Variants in GPRC6A observed in about 807,000 individuals in gnomAD.
GPRC6A encodes G protein-coupled receptor class C group 6 member A, also known as G protein-coupled receptor family C group 6 member A.
Under a neutral mutation model 47.0 loss-of-function variants are expected in GPRC6A, and 54 were observed. The observed-to-expected ratio is 1.15, with a 90% CI of 0.92 to 1.44. The LOEUF is 1.44. GPRC6A is among the 40% of genes most tolerant of loss of function. The pLI is 0.00. For synonymous variants in GPRC6A, 347 were observed against 377.1 expected, an observed-to-expected ratio of 0.92 and a Z score of 0.93; for missense variants, 1,112 against 1,105.5, an observed-to-expected ratio of 1.01 and a Z score of -0.08.
chr6:116,808,903 A>G (rs1288395937), intron 2 of GPRC6A, among the ~76,000 whole-genome samples: 1 of 152,128 alleles, frequency 6.6e-6, no homozygotes, highest in African/African-American at 2.4e-5. Context: ...AAATAGTTCT[A>G]CAGTCTTTGC....
chr6:116,822,831 G>A (rs1773542478), intron 1 of GPRC6A, among the ~76,000 whole-genome samples: 1 of 148,658 alleles, frequency 6.7e-6, no homozygotes, highest in South Asian at 2.1e-4. Context: ...TGTACAATGT[G>A]CACATGTACC....
chr6:116,797,359 T>C (rs1772522823), intron 4 of GPRC6A, among the ~76,000 whole-genome samples: 1 of 152,158 alleles, frequency 6.6e-6, no homozygotes, highest in African/African-American at 2.4e-5. Context: ...AAAGACAGTC[T>C]AAAATCTTGT....
intron 1 of GPRC6A, 81 bp downstream of exon 1, chr6:116,828,739 T>C (rs1422020186): frequency 3.6e-6 from 4 of 1,121,684 alleles, no homozygotes; most frequent in Non-Finnish European, 5.1e-6. Flanking sequence ...ATGATTTAGA[T>C]ATTAATACAA....
Position 116,792,769 on chromosome 6 carries a change from A to G in GPRC6A, c.2154T>C (p.Ile718=), listed in dbSNP as rs780329526. ...CTGCAAAGATTAGCCAGAGTGTGCA[A>G]ATGACAACCTGGATGCCCGTGCAAG... ...IFTCTGIQVV[I]CTLWLIFAAP... Residue 718 remains isoleucine (I), a synonymous_variant, in exon 6 of 6, where the codon ATT becomes ATC. Coordinates refer to ENST00000310357, the MANE Select transcript of GPRC6A (RefSeq NM_148963.4). 3.3e-5 allele frequency: 54 copies of G among 1,614,018 alleles called. No individual in the cohort carries two copies. Among genetic ancestry groups the G allele is most frequent in the Non-Finnish European group, 4.5e-5 (53 of 1,179,972 alleles).
intron 5 of GPRC6A, 32 bp from the exon 6 acceptor site, chr6:116,793,282 C>T: frequency 6.7e-7 from 1 of 1,495,716 alleles, no homozygotes; most frequent in Non-Finnish European, 9.0e-7. Flanking sequence ...GTTACATTGT[C>T]AACATTTAAA....
At position 116,794,439 on chromosome 6, in the gene GPRC6A, A is replaced by G. The variant is rs571456088; in HGVS notation, c.1673-1189T>C. 6.4e-4 allele frequency among the ~76,000 whole-genome samples: 97 copies of G among 152,246 alleles called. 1 individual carries two copies. The South Asian group carries it at 0.02, about 31-fold the overall frequency. On this transcript the variant is annotated intron_variant, in intron 5 of 5. Transcript: ENST00000310357. ...GAGATAGAGAGGAACAGCAGATGGT[A>G]TCCTTTTAGGCTTTCCTAACTCCTA...
At chr6:116,795,665 A>G (rs1772458973) in intron 5 of GPRC6A, 47 bp downstream of exon 5, 2 of 1,428,104 alleles carry the variant, frequency 1.4e-6, no homozygotes, top group Non-Finnish European at 1.9e-6. Flanking sequence ...AAGAAAAAAA[A>G]AGCCTAAGAG....
chr6:116,821,477 A>G (rs1773476534), intron 1 of GPRC6A, among the ~76,000 whole-genome samples: 1 of 152,144 alleles, frequency 6.6e-6, no homozygotes, highest in Non-Finnish European at 1.5e-5. Context: ...AGGCGACAGT[A>G]ACCAAAACAG....
At position 116,792,697 on chromosome 6, in the gene GPRC6A, C is replaced by T; in HGVS notation, c.2226G>A (p.Leu742=). ...CAAGTATGGATCCCTCCTCACACTCCAGGATGATGACTCTGGGCAAGGAGA... is the reference window on the plus strand; with the variant it reads ...CAAGTATGGATCCCTCCTCACACTCTAGGATGATGACTCTGGGCAAGGAGA... The part of the protein sequence containing the change: ...VNVSLPRVII[L]ECEEGSILAF... The change falls in exon 6 of 6, where the codon CTG becomes CTA. Residue 742 remains leucine (L), a synonymous_variant. Coordinates refer to ENST00000310357, the MANE Select transcript of GPRC6A (RefSeq NM_148963.4). The T allele has an allele frequency of 6.2e-7, 1 of 1,613,086 alleles. No individual in the cohort carries two copies. The highest frequency in any genetic ancestry group is 1.1e-5 in the South Asian group (1 of 91,040).
intron 3 of GPRC6A, 85 bp downstream of exon 3, chr6:116,806,285 A>T: frequency 4.9e-6 from 4 of 814,468 alleles, no homozygotes; most frequent in South Asian, 1.7e-5. Flanking sequence ...AAGAGCAATT[A>T]ATATAAATCT....
At position 116,829,064 on chromosome 6, in the gene GPRC6A, G is replaced by A. The variant is rs1328708427; in HGVS notation, c.-51C>T. 2 of 1,551,382 alleles carry A rather than the reference G, an allele frequency of 1.3e-6. No individual in the cohort carries two copies. Among genetic ancestry groups the A allele is most frequent in the Non-Finnish European group, 1.7e-6 (2 of 1,150,030 alleles). On this transcript the variant is annotated 5_prime_UTR_variant, in exon 1 of 6. Transcript: ENST00000310357. ...TGTGAGTTCTTAGGAATCATTAAGT[G>A]CACGGAGTGCCAGCAAGATTCCTAT... is the stretch of plus-strand genomic sequence containing the variant.
In GPRC6A at chr6:116,809,634, A is replaced by AT; in HGVS notation, c.195-18dup. On this transcript the variant is annotated splice_polypyrimidine_tract_variant and intron_variant, in intron 1 of 5. Coordinates refer to ENST00000310357, the MANE Select transcript of GPRC6A (RefSeq NM_148963.4). Reference sequence around the variant, plus strand: ...ATTTCAAAGCTGTTGGGAAACAAGTATTTTTTGAAATCAGAACATAACTCT... The same window carrying AT: ...ATTTCAAAGCTGTTGGGAAACAAGTATTTTTTTGAAATCAGAACATAACTCT... 1 of 1,581,272 alleles carries AT rather than the reference A, an allele frequency of 6.3e-7. No individual in the cohort carries two copies. The highest frequency in any genetic ancestry group is 8.6e-7 in the Non-Finnish European group (1 of 1,157,616).
Position 116,807,170 on chromosome 6 carries a change from T to C in GPRC6A, c.535A>G (p.Lys179Glu), listed in dbSNP as rs1250576000. Residue 179 changes from lysine (K) to glutamate (E), a missense_variant, in exon 3 of 6, where the codon AAA becomes GAA. Lys to Glu is a moderately conservative substitution (Grantham distance 56). Transcript: ENST00000310357. ...YESTAEILSDKIRFPSFLRTV... is the reference protein window; with the variant it reads ...YESTAEILSDEIRFPSFLRTV... ...CGTAAAAATGAAGGAAAGCGAATTT[T>C]GTCACTCAGGATTTCTGCAGTTGAT... 2 of 1,613,210 alleles carry C rather than the reference T, an allele frequency of 1.2e-6. No individual in the cohort carries two copies. Among genetic ancestry groups the C allele is most frequent in the African/African-American group, 2.7e-5 (2 of 74,890 alleles).
At position 116,792,692 on chromosome 6, in the gene GPRC6A, C is replaced by T. The variant is rs1384970462; in HGVS notation, c.2231G>A (p.Cys744Tyr). The T allele has an allele frequency of 6.2e-7, 1 of 1,613,234 alleles. No homozygotes were observed. The highest frequency in any genetic ancestry group is 1.7e-4 in the Middle Eastern group (1 of 6,058). ...AAATGCAAGTATGGATCCCTCCTCA[C>T]ACTCCAGGATGATGACTCTGGGCAA... ...VSLPRVIILE[C>Y]EEGSILAFGT... The change falls in exon 6 of 6, where the codon TGT becomes TAT. Residue 744 changes from cysteine (C) to tyrosine (Y), a missense_variant. Physicochemically the swap from Cys to Tyr is radical, Grantham distance 194. Coordinates refer to ENST00000310357, the MANE Select transcript of GPRC6A (RefSeq NM_148963.4).
chr6:116,823,226 A>T (rs1773564352), intron 1 of GPRC6A, among the ~76,000 whole-genome samples: 2 of 152,130 alleles, frequency 1.3e-5, no homozygotes, highest in South Asian at 4.1e-4. Flanking sequence ...CATATGAGCT[A>T]GGCTATTAAA....
rs1274682732 is a variant in GPRC6A, at chr6:116,792,498, A to C, written c.2425T>G (p.Tyr809Asp). 6.2e-7 allele frequency: 1 copy of C among 1,613,854 alleles called. No individual in the cohort carries two copies. Among genetic ancestry groups the C allele is most frequent in the Non-Finnish European group, 8.5e-7 (1 of 1,179,834 alleles). The change falls in exon 6 of 6, where the codon TAT becomes GAT. Residue 809 changes from tyrosine to aspartate, a missense_variant. Transcript: ENST00000310357. ...IPIYATTFGK[Y>D]VPAVEIIVIL... Reference sequence around the variant, plus strand: ...ACAATAATCTCCACAGCTGGTACATATTTGCCAAATGTGGTAGCATAGATA... The same window carrying C: ...ACAATAATCTCCACAGCTGGTACATCTTTGCCAAATGTGGTAGCATAGATA...
chr6:116,810,413 C>T (rs1367612863), intron 1 of GPRC6A, among the ~76,000 whole-genome samples: 2 of 151,932 alleles, frequency 1.3e-5, no homozygotes, highest in Non-Finnish European at 2.9e-5. Flanking sequence ...GGTTCTATCT[C>T]TACAAATGCA....
chr6:116,820,039 C>G (rs1342453992), intron 1 of GPRC6A, among the ~76,000 whole-genome samples: 2 of 148,364 alleles, frequency 1.3e-5, no homozygotes, highest in South Asian at 4.3e-4. Context: ...CACCACCGAT[C>G]CCACAGAAAT....
intron 1 of GPRC6A, among the ~76,000 whole-genome samples, chr6:116,823,483 C>A (rs1773575135): frequency 6.6e-6 from 1 of 152,102 alleles, no homozygotes; most frequent in Non-Finnish European, 1.5e-5. Context: ...ATTTTGGTCA[C>A]AACAATTTAA....
Sources: gnomAD v4.1 joint callset for allele counts (sites outside exome capture counted in the v4.1 genomes callset) on GRCh38, gnomAD v4.1.1 for gene constraint, MANE v1.5 for transcripts, NCBI Gene and HGNC (gene_info 2026-07-23, HGNC 2026-07-21) for gene names.